Variants in CNTLN observed in about 807,000 individuals in gnomAD.
CNTLN encodes centlein, centrosomal protein.
A neutral mutation model predicts 180.0 loss-of-function variants in CNTLN; 212 were observed. The ratio of observed to expected loss-of-function variants is 1.18; its 90% CI spans 1.05 to 1.32. The LOEUF (loss-of-function observed/expected upper bound fraction) is 1.32, where lower values mean the gene tolerates loss of function less well. CNTLN is among the 40% of genes most tolerant of loss of function. The probability of loss-of-function intolerance (pLI) is 0.00; values close to 1 mark genes in which losing one functional copy is unlikely to be tolerated. For synonymous variants in CNTLN, 722 were observed against 563.1 expected (o/e 1.28, Z -3.99); for missense variants, 2,095 against 1,610.9 (o/e 1.30, Z -5.14).
At chr9:17,495,075 T>C (rs1833380578) in intron 25 of CNTLN, 2 of 364,146 alleles carry the variant, frequency 5.5e-6, no homozygotes, top group East Asian at 7.5e-5. Flanking sequence ...AGATTGGGTT[T>C]TGCCATGTTG....
intron 5 of CNTLN, among the ~76,000 whole-genome samples, chr9:17,241,570 T>TA (rs574099230): frequency 6.6e-6 from 1 of 151,982 alleles, no homozygotes; most frequent in Non-Finnish European, 1.5e-5. Flanking sequence ...ATTTTCAGAT[T>TA]AAAAAAAATT....
chr9:17,448,671 G>A (rs1292678235), intron 18 of CNTLN: 1 of 152,024 alleles, frequency 6.6e-6, no homozygotes, highest in East Asian at 1.9e-4. Flanking sequence ...GAAACATCAA[G>A]TATTATTTTT....
At chr9:17,523,451 C>A in the CNTLN span, among the ~76,000 whole-genome samples, 1 of 151,978 alleles carries the variant, frequency 6.6e-6, no homozygotes, top group Non-Finnish European at 1.5e-5. Flanking sequence ...TGGCCAGGCT[C>A]ATCTCGAGCT....
At position 17,395,027 on chromosome 9, in the gene CNTLN, A is replaced by G; in HGVS notation, c.2573A>G (p.Glu858Gly). ...HSIKVMSNVF[E>G]NLSKDGWEDV... is the part of the protein sequence containing the mutation. ...ATCAAGGTTATGAGCAATGTGTTTG[A>G]GAACCTCAGCAAGGACGGCTGGGAG... is the stretch of plus-strand genomic sequence containing the variant. The change falls in exon 15 of 26, where the codon GAG becomes GGG. Residue 858 changes from glutamate (E) to glycine (G), a missense_variant. Coordinates refer to ENST00000380647, the MANE Select transcript of CNTLN (RefSeq NM_017738.4). 1 of 1,612,924 alleles carries G rather than the reference A, an allele frequency of 6.2e-7. No homozygotes were observed. The highest frequency in any genetic ancestry group is 8.5e-7 in the Non-Finnish European group (1 of 1,179,128).
intron 2 of CNTLN, among the ~76,000 whole-genome samples, chr9:17,191,826 A>C (rs1435024088): frequency 2.0e-5 from 3 of 152,236 alleles, no homozygotes; most frequent in Non-Finnish European, 4.4e-5. Flanking sequence ...TAAACAGAAA[A>C]GAAAAACATG....
At chr9:17,441,971 C>G (rs1830136387) in intron 18 of CNTLN, among the ~76,000 whole-genome samples, 1 of 152,020 alleles carries the variant, frequency 6.6e-6, no homozygotes, top group African/African-American at 2.4e-5. Context: ...GGCCTATTCA[C>G]CAAGAAGATA....
intron 2 of CNTLN, among the ~76,000 whole-genome samples, chr9:17,154,787 G>T (rs571844262): frequency 2.6e-5 from 4 of 152,304 alleles, no homozygotes; most frequent in African/African-American, 7.2e-5. Flanking sequence ...CTGTAAAATG[G>T]ACTAATTATC....
chr9:17,324,451 A>G (rs755795335), intron 8 of CNTLN, among the ~76,000 whole-genome samples: 1 of 152,192 alleles, frequency 6.6e-6, no homozygotes, highest in Non-Finnish European at 1.5e-5. Context: ...TGTCAGGATT[A>G]GTTTACTCTT....
Position 17,457,542 on chromosome 9 carries a change from G to T in CNTLN, c.3133G>T (p.Ala1045Ser). 6 of 1,495,212 alleles carry T rather than the reference G, an allele frequency of 4.0e-6. No individual in the cohort carries two copies. The highest frequency in any genetic ancestry group is 5.4e-6 in the Non-Finnish European group (6 of 1,119,406). 92.6% of individuals were successfully genotyped at this position (1,495,212 alleles called of 1,614,324 possible). Residue 1045 changes from alanine to serine, a missense_variant, in exon 19 of 26, where the codon GCT becomes TCT. By Grantham distance (99) the Ala-to-Ser change is moderately conservative. Transcript: ENST00000380647. Reference protein sequence around the residue: ...QTIKKLNLDLAGLRKEKEDLL... With the variant: ...QTIKKLNLDLSGLRKEKEDLL... The stretch of plus-strand genomic sequence containing the variant: ...AAAAAAGAAGCTAAATTTGGATTTG[G>T]CTGGGCTTCGGAAAGAAAAAGAAGA...
intron 5 of CNTLN, among the ~76,000 whole-genome samples, chr9:17,256,091 AT>A (rs35280499): frequency 2.6e-5 from 4 of 151,592 alleles, no homozygotes; most frequent in East Asian, 1.9e-4. Flanking sequence ...AAAGGATATG[AT>A]TTTTTTAACT....
intron 2 of CNTLN, among the ~76,000 whole-genome samples, chr9:17,223,788 T>C (rs1824295816): frequency 6.6e-6 from 1 of 152,050 alleles, no homozygotes; most frequent in South Asian, 2.1e-4. Context: ...CCCATTTCAC[T>C]TCAGATCCAA....
In CNTLN at chr9:17,290,751, G is replaced by A. The variant is rs530499571; in HGVS notation, c.984-7439G>A. ...AGCCGGTCTGAAAAGCGCAATATTC[G>A]GGTGGGAGTGACCCGATTTTCCAGG... On this transcript the variant is annotated intron_variant, in intron 6 of 25. Coordinates refer to ENST00000380647, the MANE Select transcript of CNTLN (RefSeq NM_017738.4). Among the ~76,000 whole-genome samples, 15 of 151,770 alleles carry A rather than the reference G, an allele frequency of 9.9e-5. No homozygotes were observed. In the East Asian group the frequency reaches 1.7e-3, roughly 18 times the overall value.
At chr9:17,378,686 C>A (rs1193618530) in intron 13 of CNTLN, among the ~76,000 whole-genome samples, 3 of 152,052 alleles carry the variant, frequency 2.0e-5, no homozygotes, top group Non-Finnish European at 4.4e-5. Context: ...AATTTGGATT[C>A]AAAATCGGTA....
At chr9:17,477,936 T>C (rs1216262839) in intron 23 of CNTLN, among the ~76,000 whole-genome samples, 3 of 152,172 alleles carry the variant, frequency 2.0e-5, no homozygotes, top group Non-Finnish European at 4.4e-5. Context: ...AAATCTTTCA[T>C]GAAAGGAAGA....
At chr9:17,200,819 T>G (rs1379788488) in intron 2 of CNTLN, among the ~76,000 whole-genome samples, 1 of 152,180 alleles carries the variant, frequency 6.6e-6, no homozygotes, top group African/African-American at 2.4e-5. Context: ...TGAATACCCT[T>G]TATTTATTTC....
intron 13 of CNTLN, among the ~76,000 whole-genome samples, chr9:17,378,830 G>GT (rs1344946853): frequency 6.6e-6 from 1 of 152,130 alleles, no homozygotes; most frequent in Non-Finnish European, 1.5e-5. Flanking sequence ...AGTTCTCAGT[G>GT]TTTTTTGCTG....
intron 23 of CNTLN, among the ~76,000 whole-genome samples, chr9:17,476,890 AG>A (rs1832380310): frequency 6.6e-6 from 1 of 152,238 alleles, no homozygotes; most frequent in African/African-American, 2.4e-5. Flanking sequence ...TAGACAAAAC[AG>A]CCTTCTATTG....
intron 12 of CNTLN, 76 bp from the exon 13 acceptor site, chr9:17,366,541 A>G (rs1445177196): frequency 1.6e-6 from 1 of 615,788 alleles, no homozygotes. Flanking sequence ...ATTTAGAAAT[A>G]TATTTAAATG....
At chr9:17,327,842 A>C (rs2133091888) in intron 8 of CNTLN, among the ~76,000 whole-genome samples, 1 of 152,062 alleles carries the variant, frequency 6.6e-6, no homozygotes, top group Admixed American at 6.5e-5. Context: ...AATCCCAGCT[A>C]CTCAGGAGGC....
Sources: gnomAD v4.1 joint callset for allele counts (sites outside exome capture counted in the v4.1 genomes callset) on GRCh38, gnomAD v4.1.1 for gene constraint, MANE v1.5 for transcripts, NCBI Gene and HGNC (gene_info 2026-07-23, HGNC 2026-07-21) for gene names.